MVB12B: variants seen among roughly 807,000 people sequenced by gnomAD.
The protein encoded by MVB12B is ESCRT-I complex subunit MVB12B.
Under a neutral mutation model 41.6 loss-of-function variants are expected in MVB12B, and 16 were observed. The ratio of observed to expected loss-of-function variants is 0.38; its 90% CI spans 0.26 to 0.58. The LOEUF (loss-of-function observed/expected upper bound fraction) is 0.58, where lower values mean the gene tolerates loss of function less well. Among genes scored for constraint, MVB12B ranks in the 20% least tolerant of loss-of-function variants. The pLI is 0.62. For missense variants in MVB12B, 274 were observed against 380.2 expected (o/e 0.72, Z 2.32); for synonymous variants, 133 against 139.7 (o/e 0.95, Z 0.34).
At chr9:126,399,822 G>C (rs1355300564) in intron 6 of MVB12B, among the ~76,000 whole-genome samples, 1 of 152,232 alleles carries the variant, frequency 6.6e-6, no homozygotes, top group South Asian at 2.1e-4. Context: ...TGCAGATGAT[G>C]CAGAGTCATT....
intron 9 of MVB12B, among the ~76,000 whole-genome samples, chr9:126,491,403 T>C (rs1435033324): frequency 6.7e-6 from 1 of 149,202 alleles, no homozygotes; most frequent in East Asian, 2.3e-4. Flanking sequence ...TTGGAAAGCT[T>C]TCCTGGTGCT....
intron 2 of MVB12B, among the ~76,000 whole-genome samples, chr9:126,357,795 A>G (rs2118881212): frequency 6.6e-6 from 1 of 152,236 alleles, no homozygotes; most frequent in South Asian, 2.1e-4. Context: ...TTTTCTTAAC[A>G]GTATTTTTGA....
intron 7 of MVB12B, among the ~76,000 whole-genome samples, chr9:126,427,798 A>G (rs559817708): frequency 7.2e-5 from 11 of 152,338 alleles, no homozygotes; most frequent in Non-Finnish European, 5.9e-5. Context: ...TTTAGGACCT[A>G]GACAGGTTGG....
intron 1 of MVB12B, among the ~76,000 whole-genome samples, chr9:126,337,436 T>C (rs550545431): frequency 1.3e-3 from 199 of 152,358 alleles, no homozygotes; most frequent in Non-Finnish European, 2.4e-3. Context: ...CCTTCTGTAC[T>C]TTTTCCCCCT....
chr9:126,491,412 C>T (rs189119715), intron 9 of MVB12B, among the ~76,000 whole-genome samples: 2 of 147,590 alleles, frequency 1.4e-5, no homozygotes, highest in East Asian at 5.2e-4. Context: ...TTTCCTGGTG[C>T]TTATTAGATG....
chr9:126,487,083 G>A (rs2119214476), intron 9 of MVB12B, among the ~76,000 whole-genome samples: 1 of 152,364 alleles, frequency 6.6e-6, no homozygotes, highest in African/African-American at 2.4e-5. Context: ...CCCAGGAGGT[G>A]CAGAGCCAGG....
chr9:126,433,277 C>T (rs1347753010), intron 7 of MVB12B, among the ~76,000 whole-genome samples: 2 of 146,144 alleles, frequency 1.4e-5, no homozygotes, highest in Non-Finnish European at 2.9e-5. Context: ...TTCTCAGATC[C>T]TTTCCCAGCC....
At chr9:126,347,101 T>TA (rs1829612446) in intron 2 of MVB12B, among the ~76,000 whole-genome samples, 1 of 152,202 alleles carries the variant, frequency 6.6e-6, no homozygotes, top group Non-Finnish European at 1.5e-5. Flanking sequence ...TGTGTCTAGT[T>TA]ACTGATGAGA....
intron 7 of MVB12B, among the ~76,000 whole-genome samples, chr9:126,440,778 A>G (rs1832614754): frequency 6.6e-6 from 1 of 152,250 alleles, no homozygotes; most frequent in South Asian, 2.1e-4. Context: ...TTGGTTTGTT[A>G]TAAAAAGATA....
At chr9:126,342,448 T>C (rs1208969075) in intron 2 of MVB12B, among the ~76,000 whole-genome samples, 1 of 152,242 alleles carries the variant, frequency 6.6e-6, no homozygotes, top group East Asian at 1.9e-4. Context: ...AATCTATCCC[T>C]ATCATTTTCT....
Position 126,392,148 on chromosome 9 carries a change from G to A in MVB12B, c.492G>A (p.Arg164=), listed in dbSNP as rs753750333. ...DSTEAAICDI[R]IMGRTKQAPP... ...CGGAAGCTGCGATTTGTGACATTCG[G>A]ATCATGGGCCGGACCAAGCAGGCCC... Residue 164 remains arginine (R), a synonymous_variant, in exon 5 of 10, where the codon CGG becomes CGA. Coordinates refer to ENST00000361171, the MANE Select transcript of MVB12B (RefSeq NM_033446.3). The surrounding 1 kb of genome is among the most constrained non-coding windows in gnomAD (Gnocchi z 4.8). The A allele has an allele frequency of 1.1e-5, 18 of 1,614,076 alleles. No individual in the cohort carries two copies. The East Asian group carries it at 4.0e-4, about 36-fold the overall frequency.
rs1178622923 is a variant in MVB12B, at chr9:126,392,029, G to C, written c.410-37G>C. 4 of 1,612,652 alleles carry C rather than the reference G, an allele frequency of 2.5e-6. No individual in the cohort carries two copies. The highest frequency in any genetic ancestry group is 2.5e-6 in the Non-Finnish European group (3 of 1,178,824). ...TCAGAATAGAGATTCTGGTATCTCTGGAAAACTCATACCTTTTCTATTGTC... is the reference window on the plus strand; with the variant it reads ...TCAGAATAGAGATTCTGGTATCTCTCGAAAACTCATACCTTTTCTATTGTC... On this transcript the variant is annotated intron_variant, in intron 4 of 9. Coordinates refer to ENST00000361171, the MANE Select transcript of MVB12B (RefSeq NM_033446.3). This position sits in a 1 kb window ranked among gnomAD's most constrained non-coding sequence, Gnocchi z 4.8.
chr9:126,500,788 C>T (rs998148814), intron 9 of MVB12B, among the ~76,000 whole-genome samples: 2 of 152,208 alleles, frequency 1.3e-5, no homozygotes, highest in African/African-American at 2.4e-5. Context: ...CCCTAGGTGC[C>T]GTCCATGCCC....
chr9:126,431,097 G>A (rs192288655), intron 7 of MVB12B, among the ~76,000 whole-genome samples: 6 of 152,198 alleles, frequency 3.9e-5, no homozygotes, highest in Admixed American at 6.5e-5. Flanking sequence ...GGCCCAGCAC[G>A]GTCTTCATCT....
intron 7 of MVB12B, among the ~76,000 whole-genome samples, chr9:126,427,452 C>T (rs947830214): frequency 2.0e-5 from 3 of 152,094 alleles, no homozygotes; most frequent in African/African-American, 7.2e-5. Flanking sequence ...GAGCACAGTG[C>T]GGCTTTTCTA....
At chr9:126,457,582 G>A (rs1197963247) in intron 7 of MVB12B, among the ~76,000 whole-genome samples, 1 of 152,096 alleles carries the variant, frequency 6.6e-6, no homozygotes, top group Non-Finnish European at 1.5e-5. Context: ...TAGAGATTGG[G>A]CTTCTAGTGT....
chr9:126,371,987 A>G (rs1830353620), intron 2 of MVB12B, among the ~76,000 whole-genome samples: 1 of 152,282 alleles, frequency 6.6e-6, no homozygotes, highest in South Asian at 2.1e-4. Flanking sequence ...AATTTTGAAC[A>G]TTGTCATCAC....
rs1190959251 is a variant in MVB12B, at chr9:126,459,593, C to G, written c.758-21776C>G. On this transcript the variant is annotated intron_variant, in intron 7 of 9. Coordinates refer to ENST00000361171, the MANE Select transcript of MVB12B (RefSeq NM_033446.3). The surrounding 1 kb of genome is among the most constrained non-coding windows in gnomAD (Gnocchi z 4.3). ...GTCTGAGGTCCCAGAGCCAAAGCCT[C>G]GGGAGGCTTGGGGCTAAGGATGTGT... Among the ~76,000 whole-genome samples, 1 of 152,164 alleles carries G rather than the reference C, an allele frequency of 6.6e-6. No individual in the cohort carries two copies. Among genetic ancestry groups the G allele is most frequent in the African/African-American group, 2.4e-5 (1 of 41,436 alleles).
chr9:126,340,889 A>G lies in MVB12B; in HGVS notation c.204+259A>G, dbSNP rs983748823. Among the ~76,000 whole-genome samples, 4 of 152,180 alleles carry G rather than the reference A, an allele frequency of 2.6e-5. No individual in the cohort carries two copies. The highest frequency in any genetic ancestry group is 2.9e-5 in the Non-Finnish European group (2 of 68,016). On this transcript the variant is annotated intron_variant, in intron 2 of 9. Coordinates refer to ENST00000361171, the MANE Select transcript of MVB12B (RefSeq NM_033446.3). The surrounding 1 kb of genome is among the most constrained non-coding windows in gnomAD (Gnocchi z 4.0). ...AAGGAGTTAGATTCATTGATTTTCA[A>G]CTTCTGGTTGTGACATTTCGTGAAA...
Sources: gnomAD v4.1 joint callset for allele counts (sites outside exome capture counted in the v4.1 genomes callset) on GRCh38, gnomAD v4.1.1 for gene constraint, Gnocchi (gnomAD v3.1) non-coding constraint, MANE v1.5 for transcripts, NCBI Gene and HGNC (gene_info 2026-07-23, HGNC 2026-07-21) for gene names.